Variants in TBC1D2B observed in about 807,000 individuals in gnomAD.
TBC1D2B encodes TBC1 domain family member 2B.
In TBC1D2B, 64 loss-of-function variants were observed where a neutral mutation model predicts 100.8. That is an observed-to-expected ratio of 0.64 (90% CI 0.52 to 0.78). The LOEUF is 0.78. Among genes scored for constraint, TBC1D2B ranks in the 30% least tolerant of loss-of-function variants. The pLI is 0.00. For synonymous variants in TBC1D2B, 480 were observed against 479.7 expected (o/e 1.00, Z -0.01); for missense variants, 1,052 against 1,218.4 (o/e 0.86, Z 2.03).
intron 4 of TBC1D2B, among the ~76,000 whole-genome samples, chr15:78,029,080 A>G (rs1237611878): frequency 6.6e-6 from 1 of 150,496 alleles, no homozygotes; most frequent in Non-Finnish European, 1.5e-5. Context: ...TTTTTGAGAC[A>G]GAGTCTCGGT....
chr15:78,044,024 TAA>T (rs34859851), intron 3 of TBC1D2B, among the ~76,000 whole-genome samples: 7 of 136,808 alleles, frequency 5.1e-5, no homozygotes, highest in Non-Finnish European at 1.1e-4. Flanking sequence ...GACCTTATCT[TAA>T]AAAAAAAAAA....
rs138154723 is a variant in TBC1D2B at position 78,030,571 on chromosome 15, A to G, written c.684-401T>C. On this transcript the variant is annotated intron_variant, in intron 3 of 12. Coordinates refer to ENST00000300584, the MANE Select transcript of TBC1D2B (RefSeq NM_144572.2). ...GTGATCTGCCCACCTCGGCCTCCCA[A>G]AGTGCTGGGATTACAGGCGTGAGCC... Among the ~76,000 whole-genome samples, 1,492 of 152,158 alleles carry G rather than the reference A, an allele frequency of 9.8e-3. 12 individuals carry two copies. Among genetic ancestry groups the G allele is most frequent in the Middle Eastern group, 0.065 (19 of 292 alleles).
At chr15:78,038,313 AAGG>A (rs1249962342) in intron 3 of TBC1D2B, among the ~76,000 whole-genome samples, 1 of 152,228 alleles carries the variant, frequency 6.6e-6, no homozygotes, top group Non-Finnish European at 1.5e-5. Context: ...CAGGGCTATG[AAGG>A]AGAAGCACGG....
rs1449597763 is a variant in TBC1D2B, at chr15:78,024,578, A to C, written c.1087-39T>G. 1.9e-6 allele frequency: 3 copies of C among 1,545,578 alleles called. No individual in the cohort carries two copies. The African/African-American group carries it at 4.1e-5, about 21-fold the overall frequency. ...GGAGAATGGAGTGAAGGGTGAAAAGAGCAAGGAGAGGAGGAAAAGCAGAAA... is the reference window on the plus strand; with the variant it reads ...GGAGAATGGAGTGAAGGGTGAAAAGCGCAAGGAGAGGAGGAAAAGCAGAAA... On this transcript the variant is annotated intron_variant, in intron 5 of 12. Transcript: ENST00000300584.
chr15:78,064,471 A>C (rs1444021598), intron 1 of TBC1D2B, among the ~76,000 whole-genome samples: 1 of 152,250 alleles, frequency 6.6e-6, no homozygotes, highest in East Asian at 1.9e-4. Flanking sequence ...TTGGGTATCC[A>C]TTTCTGAAAA....
chr15:78,015,227 A>C (rs2141665160), intron 8 of TBC1D2B, among the ~76,000 whole-genome samples: 1 of 152,212 alleles, frequency 6.6e-6, no homozygotes, highest in East Asian at 1.9e-4. Context: ...ACAAAACAAA[A>C]CAATAAAATA....
intron 9 of TBC1D2B, among the ~76,000 whole-genome samples, chr15:78,010,320 C>T (rs1057099709): frequency 2.6e-5 from 4 of 152,018 alleles, no homozygotes; most frequent in East Asian, 1.9e-4. Flanking sequence ...TGGCTCCAAG[C>T]GGGAATCTGG....
intron 11 of TBC1D2B, chr15:78,002,397 T>C (rs2071938333): frequency 6.6e-6 from 1 of 152,140 alleles, no homozygotes; most frequent in African/African-American, 2.4e-5. Flanking sequence ...TTAGCCACGA[T>C]GGTCTCCATC....
chr15:78,034,369 A>G (rs2072892433), intron 3 of TBC1D2B: 2 of 437,114 alleles, frequency 4.6e-6, no homozygotes, highest in Non-Finnish European at 6.1e-6. Context: ...CCACTGCACC[A>G]TGACTTTTCA....
At chr15:78,028,135 G>A (rs2072719104) in intron 4 of TBC1D2B, among the ~76,000 whole-genome samples, 2 of 152,178 alleles carry the variant, frequency 1.3e-5, no homozygotes, top group Non-Finnish European at 2.9e-5. Flanking sequence ...ATTACTTATT[G>A]TTATTTTATG....
chr15:78,034,687 C>T, intron 3 of TBC1D2B: 2 of 985,444 alleles, frequency 2.0e-6, no homozygotes, highest in Non-Finnish European at 2.4e-6. Flanking sequence ...GCCGTGCTCT[C>T]ACCTGCAGCT....
chr15:78,027,832 A>G (rs547719001), intron 4 of TBC1D2B, among the ~76,000 whole-genome samples: 1 of 152,312 alleles, frequency 6.6e-6, no homozygotes, highest in South Asian at 2.1e-4. Flanking sequence ...ATCAGCTCGT[A>G]CTGAGCCCCT....
intron 3 of TBC1D2B, among the ~76,000 whole-genome samples, chr15:78,032,593 T>C (rs2072843204): frequency 6.6e-6 from 1 of 151,016 alleles, no homozygotes; most frequent in African/African-American, 2.4e-5. Flanking sequence ...ACAGGGACTC[T>C]AAAAGTTATA....
At position 78,012,920 on chromosome 15, in the gene TBC1D2B, A is replaced by T. The variant is rs1197720390; in HGVS notation, c.2173T>A (p.Ser725Thr). The T allele has an allele frequency of 6.5e-6, 10 of 1,545,374 alleles. No individual in the cohort carries two copies. Among genetic ancestry groups the T allele is most frequent in the Non-Finnish European group, 7.9e-6 (9 of 1,144,774 alleles). ...TGTATGCCTTCTGAGGTGGGGCAGG[A>T]GTAATGTTTGTTGTTGGGCAGAGTT... ...LRTLPNNKHY[S>T]CPTSEGIQKL... Residue 725 changes from serine to threonine, a missense_variant, in exon 9 of 13, where the codon TCC becomes ACC. Ser to Thr is a moderately conservative substitution (Grantham distance 58, BLOSUM62 1). This residue lies in a region of TBC1D2B where 373 missense variants were observed against 464.9 expected (regional missense o/e 0.80). Coordinates refer to ENST00000300584, the MANE Select transcript of TBC1D2B (RefSeq NM_144572.2).
chr15:78,042,669 A>G (rs1279500560), intron 3 of TBC1D2B, among the ~76,000 whole-genome samples: 1 of 152,138 alleles, frequency 6.6e-6, no homozygotes, highest in Admixed American at 6.5e-5. Flanking sequence ...ACTTAATCAG[A>G]TGGCACAGGG....
At chr15:78,077,246 G>C (rs941625393) in intron 1 of TBC1D2B, 47 bp downstream of exon 1, 4 of 1,403,052 alleles carry the variant, frequency 2.9e-6, no homozygotes, top group Non-Finnish European at 2.8e-6. Context: ...CGGAGGCAGG[G>C]GACGCCGGCG....
In TBC1D2B at chr15:78,010,565, T is replaced by C. The variant is rs542222178; in HGVS notation, c.2271-1451A>G. On this transcript the variant is annotated intron_variant, in intron 9 of 12. Transcript: ENST00000300584. ...TGCAGGGATGGGATGGAAAGGAGAA[T>C]GGTGACCACTGGCAGAGACAGAGGA... Among the ~76,000 whole-genome samples, 362 of 152,054 alleles carry C rather than the reference T, an allele frequency of 2.4e-3. 1 individual carries two copies. Among genetic ancestry groups the C allele is most frequent in the African/African-American group, 8.2e-3 (342 of 41,466 alleles).
At chr15:78,055,082 A>G (rs1395792596) in intron 1 of TBC1D2B, among the ~76,000 whole-genome samples, 24 of 152,206 alleles carry the variant, frequency 1.6e-4, no homozygotes, top group Admixed American at 1.6e-3. Flanking sequence ...AAATGGTTAT[A>G]TACTGTATGA....
chr15:78,040,921 C>CAGGG (rs1395566771), intron 3 of TBC1D2B, among the ~76,000 whole-genome samples: 2 of 75,658 alleles, frequency 2.6e-5, no homozygotes, highest in South Asian at 7.9e-4. Flanking sequence ...AAAAGGGAGG[C>CAGGG]AGGGAGGGAG....
Sources: allele counts gnomAD v4.1 joint callset (sites outside exome capture counted in the v4.1 genomes callset), GRCh38; gene constraint gnomAD v4.1.1; regional missense constraint gnomAD v4.1.1; transcripts MANE v1.5; gene names NCBI Gene and HGNC (gene_info 2026-07-23, HGNC 2026-07-21).